ZNF445: variants seen among roughly 807,000 people sequenced by gnomAD.
ZNF445 encodes the protein zinc finger protein 445, also known as zinc finger protein 168.
Under a neutral mutation model 93.9 loss-of-function variants are expected in ZNF445, and 19 were observed. That is an observed-to-expected ratio of 0.20 (90% CI 0.14 to 0.30). The LOEUF is 0.30. Among genes scored for constraint, ZNF445 ranks in the 10% least tolerant of loss-of-function variants. The pLI, the probability that ZNF445 is intolerant of heterozygous loss-of-function variation, is 1.00. For synonymous variants in ZNF445, 449 were observed against 446.3 expected (o/e 1.01, Z -0.08); for missense variants, 1,058 against 1,259.4 (o/e 0.84, Z 2.42).
chr3:44,464,638 GTTTC>G lies in ZNF445; in HGVS notation c.-268-6278_-268-6275del, dbSNP rs567874094. ...TTGCCAAATGCTTTAAGGTCAAATT[GTTTC>G]TTTGACTTCTGAGAATTGTTCAATT... On this transcript the variant is annotated intron_variant, in intron 1 of 7. Coordinates refer to ENST00000396077, the MANE Select transcript of ZNF445 (RefSeq NM_181489.6). Among the ~76,000 whole-genome samples the G allele has an allele frequency of 4.4e-3, 675 of 152,270 alleles. 4 individuals carry two copies. Among genetic ancestry groups the G allele is most frequent in the South Asian group, 0.014 (69 of 4,822 alleles).
chr3:44,448,001 C>T lies in ZNF445; in HGVS notation c.1670G>A (p.Arg557His), dbSNP rs765069141. Residue 557 changes from arginine (R) to histidine (H), a missense_variant, in exon 8 of 8, where the codon CGT (arginine) becomes CAT (histidine). By Grantham distance (29) the Arg-to-His change is conservative. This residue lies in a region of ZNF445 where 657 missense variants were observed against 746.4 expected (regional missense o/e 0.88). Transcript: ENST00000396077. ...EKAFRRLSAYRLHRETHAKKK... is the reference protein window; with the variant it reads ...EKAFRRLSAYHLHRETHAKKK... ...CTTAGCATGGGTTTCTCGGTGCAGA[C>T]GGTAGGCTGACAGGCGTCGGAAAGC... 6.2e-6 allele frequency: 10 copies of T among 1,611,420 alleles called. No individual in the cohort carries two copies. The highest frequency in any genetic ancestry group is 5.0e-5 in the Admixed American group (3 of 59,974).
intron 4 of ZNF445, 122 bp from the exon 5 acceptor site, chr3:44,451,084 C>T: frequency 9.9e-7 from 1 of 1,007,564 alleles, no homozygotes; most frequent in Non-Finnish European, 1.4e-6. Flanking sequence ...GTTAAATACC[C>T]ATCTCACATG....
At chr3:44,468,832 T>G (rs1698228067) in intron 1 of ZNF445, among the ~76,000 whole-genome samples, 1 of 152,128 alleles carries the variant, frequency 6.6e-6, no homozygotes, top group Non-Finnish European at 1.5e-5. Flanking sequence ...GGAGACTGCT[T>G]TGAGTAATAA....
At position 44,448,044 on chromosome 3, in the gene ZNF445, A is replaced by C. The variant is rs1243386619; in HGVS notation, c.1627T>G (p.Cys543Gly). ...KIHTGVKPYK[C>G]DLCEKAFRRL... ...CGGAAAGCTTTCTCACATAAATCGC[A>C]TTTATAAGGCTTCACTCCAGTGTGA... Residue 543 changes from cysteine (C) to glycine (G), a missense_variant, in exon 8 of 8, where the codon TGC (cysteine) becomes GGC (glycine). Cys to Gly is a radical substitution (Grantham distance 159). This residue lies in a region of ZNF445 where 657 missense variants were observed against 746.4 expected (regional missense o/e 0.88). Transcript: ENST00000396077. 6.2e-7 allele frequency: 1 copy of C among 1,611,734 alleles called. No individual in the cohort carries two copies. Among genetic ancestry groups the C allele is most frequent in the Non-Finnish European group, 8.5e-7 (1 of 1,180,008 alleles).
At chr3:44,472,911 C>G (rs1441820626) in intron 1 of ZNF445, among the ~76,000 whole-genome samples, 1 of 152,158 alleles carries the variant, frequency 6.6e-6, no homozygotes, top group Non-Finnish European at 1.5e-5. Flanking sequence ...ATACCTTAAC[C>G]CAGTTTCATT....
intron 2 of ZNF445, among the ~76,000 whole-genome samples, chr3:44,456,258 G>A (rs1247785201): frequency 1.3e-5 from 2 of 151,730 alleles, no homozygotes; most frequent in African/African-American, 4.8e-5. Context: ...TCTACTAAAA[G>A]TACAAAAAAT....
At position 44,447,751 on chromosome 3, in the gene ZNF445, A is replaced by G. The variant is rs892556590; in HGVS notation, c.1920T>C (p.Phe640=). 2.5e-6 allele frequency: 4 copies of G among 1,614,044 alleles called. No homozygotes were observed. Among genetic ancestry groups the G allele is most frequent in the East Asian group, 2.2e-5 (1 of 44,886 alleles). ...CRKTFRWRSN[F]TRHMRLHEEE... Reference sequence around the variant, plus strand: ...CCTCATGCAACCTCATATGACGAGTAAAGTTTGATCTCCATCTAAAGGTTT... The same window carrying G: ...CCTCATGCAACCTCATATGACGAGTGAAGTTTGATCTCCATCTAAAGGTTT... Residue 640 remains phenylalanine, a synonymous_variant, in exon 8 of 8, where the codon TTT becomes TTC. Transcript: ENST00000396077. The surrounding 1 kb of genome is among the most constrained non-coding windows in gnomAD (Gnocchi z 4.7).
rs1378000841 is a variant in ZNF445, at chr3:44,446,991, T to TCTCTGTAGAGAC, written c.2679_2680insGTCTCTACAGAG (p.Glu893_Arg894insValSerThrGlu). The stretch of plus-strand genomic sequence containing the variant: ...CCACACCACTGACATTTGAAAGGTC[T>TCTCTGTAGAGAC]CTCTGTAGAGTGGATCCTCTGATGG... On this transcript the variant is annotated inframe_insertion, in exon 8 of 8. Transcript: ENST00000396077. The surrounding 1 kb of genome is among the most constrained non-coding windows in gnomAD (Gnocchi z 4.2). 6.2e-7 allele frequency: 1 copy of TCTCTGTAGAGAC among 1,614,246 alleles called. No homozygotes were observed. The highest frequency in any genetic ancestry group is 2.2e-5 in the East Asian group (1 of 44,886).
chr3:44,454,635 C>G (rs1350528569), intron 3 of ZNF445, among the ~76,000 whole-genome samples: 1 of 152,186 alleles, frequency 6.6e-6, no homozygotes, highest in South Asian at 2.1e-4. Context: ...CCATGTTGCC[C>G]AGGCTGGTCA....
rs983546645 is a variant in ZNF445 at position 44,436,156 on chromosome 3, G to A, written c.*10419C>T. On this transcript the variant is annotated 3_prime_UTR_variant, in exon 8 of 8. Transcript: ENST00000396077. ...AACTCTGTGTTGGTAATTTAGGTCA[G>A]ACTTTATTCACCAGATCTGGAGCTT... The A allele has an allele frequency of 6.6e-6, 1 of 152,206 alleles. No individual in the cohort carries two copies. The highest frequency in any genetic ancestry group is 2.4e-5 in the African/African-American group (1 of 41,438). 9.4% of individuals were successfully genotyped at this position (152,206 alleles called of 1,614,324 possible).
chr3:44,441,149 A>AAG lies in ZNF445; in HGVS notation c.*5425_*5426insCT, dbSNP rs1301942025. On this transcript the variant is annotated 3_prime_UTR_variant, in exon 8 of 8. Coordinates refer to ENST00000396077, the MANE Select transcript of ZNF445 (RefSeq NM_181489.6). ...AGGCTGGTCTCAATCTCCTGACCTC[A>AAG]TAATCCGCCCGCCTTGGCCTCCCAA... The AAG allele has an allele frequency of 6.6e-6, 1 of 152,182 alleles. No homozygotes were observed. Among genetic ancestry groups the AAG allele is most frequent in the Admixed American group, 6.5e-5 (1 of 15,276 alleles). The allele number at this position is 152,182 out of a possible 1,614,324, so 9.4% of individuals were successfully genotyped here.
At position 44,449,623 on chromosome 3, in the gene ZNF445, A is replaced by G. The variant is rs1481777075; in HGVS notation, c.821T>C (p.Val274Ala). 6.2e-6 allele frequency: 10 copies of G among 1,611,572 alleles called. No homozygotes were observed. Among genetic ancestry groups the G allele is most frequent in the Admixed American group, 1.7e-5 (1 of 59,984 alleles). Residue 274 changes from valine (V) to alanine (A), a missense_variant and splice_region_variant, in exon 7 of 8, where the codon GTG becomes GCG. Physicochemically the swap from Val to Ala is moderately conservative, Grantham distance 64. Around this residue, in one of 3 missense-constraint regions of ZNF445, gnomAD observed 657 missense variants for 746.4 expected, o/e 0.88. Coordinates refer to ENST00000396077, the MANE Select transcript of ZNF445 (RefSeq NM_181489.6). ...LENYRNMASL[V>A]GPFTKPALIS... ...CAGAGCAGGTTTGGTGAATGGTCCC[A>G]CTGCAGAAGAGAAGAGAATGGCATG...
chr3:44,454,903 C>G, intron 3 of ZNF445: 1 of 596,014 alleles, frequency 1.7e-6, no homozygotes, highest in South Asian at 2.0e-5. Flanking sequence ...CTGACCCTAT[C>G]TGGAGCTGAT....
rs1462227966 is a variant in ZNF445 at position 44,451,337 on chromosome 3, C to T, written c.575G>A (p.Arg192His). 5 of 1,613,978 alleles carry T rather than the reference C, an allele frequency of 3.1e-6. No individual in the cohort carries two copies. The highest frequency in any genetic ancestry group is 2.2e-5 in the South Asian group (2 of 91,082). The change falls in exon 4 of 8, where the codon CGT becomes CAT. Residue 192 changes from arginine (R) to histidine (H), a missense_variant. Arg to His is a conservative substitution (Grantham distance 29). Transcript: ENST00000396077. ...HLEPPYEIEA[R>H]DFLAGQSDTP... ...ACCGGATTGCCCAGCCAGGAAGTCA[C>T]GTGCTTCTATTTCATAGGGAGGCTC...
At chr3:44,452,418 G>C (rs191366227) in intron 3 of ZNF445, among the ~76,000 whole-genome samples, 263 of 151,420 alleles carry the variant, frequency 1.7e-3, no homozygotes, top group African/African-American at 6.1e-3. Flanking sequence ...ACTTTCTCGG[G>C]CCCTGGTTTT....
intron 3 of ZNF445, among the ~76,000 whole-genome samples, chr3:44,453,303 A>AT (rs922861307): frequency 3.4e-5 from 5 of 148,382 alleles, no homozygotes; most frequent in African/African-American, 5.0e-5. Context: ...TTTTTTTTTA[A>AT]TTTTTTTTTT....
At chr3:44,468,737 T>C (rs1698226991) in intron 1 of ZNF445, among the ~76,000 whole-genome samples, 1 of 143,288 alleles carries the variant, frequency 7.0e-6, no homozygotes, top group African/African-American at 2.6e-5. Context: ...TATGATTTCA[T>C]CTCTGACCAA....
intron 1 of ZNF445, among the ~76,000 whole-genome samples, chr3:44,461,905 T>C (rs945522046): frequency 5.3e-5 from 8 of 152,180 alleles, no homozygotes; most frequent in African/African-American, 1.9e-4. Flanking sequence ...CATCAGAACC[T>C]GCTCCATTCT....
At chr3:44,468,576 C>G (rs991498140) in intron 1 of ZNF445, among the ~76,000 whole-genome samples, 26 of 152,124 alleles carry the variant, frequency 1.7e-4, no homozygotes, top group Admixed American at 3.3e-4. Flanking sequence ...AAGATCAGTG[C>G]TTGAGGTATT....
Sources: allele counts gnomAD v4.1 joint callset (sites outside exome capture counted in the v4.1 genomes callset), GRCh38; gene constraint gnomAD v4.1.1; regional missense constraint gnomAD v4.1.1; non-coding constraint Gnocchi (gnomAD v3.1); transcripts MANE v1.5; gene names NCBI Gene and HGNC (gene_info 2026-07-23, HGNC 2026-07-21).